AZIN2: variants seen among roughly 807,000 people sequenced by gnomAD.
AZIN2 encodes the protein antizyme inhibitor 2, also known as ODC antizyme inhibitor-2.
Under a neutral mutation model 47.8 loss-of-function variants are expected in AZIN2, and 28 were observed. The ratio of observed to expected loss-of-function variants is 0.59; its 90% CI spans 0.43 to 0.80. AZIN2 has a LOEUF of 0.80. Among genes scored for constraint, AZIN2 ranks in the 30% least tolerant of loss-of-function variants. The pLI is 0.00. For missense variants in AZIN2, 535 were observed against 582.5 expected (o/e 0.92, Z 0.84); for synonymous variants, 221 against 239.4 (o/e 0.92, Z 0.71).
At chr1:33,147,046 G>A in the AZIN2 span, 1 of 908,594 alleles carries the variant, frequency 1.1e-6, no homozygotes, top group Non-Finnish European at 1.7e-6. This position sits in a 1 kb window ranked among gnomAD's most constrained non-coding sequence, Gnocchi z 8.1. Flanking sequence ...CAGACTGGAG[G>A]CTGGAGGGTA....
chr1:33,094,834 T>G (rs1049910928), intron 8 of AZIN2, 121 bp downstream of exon 8: 3 of 1,063,534 alleles, frequency 2.8e-6, no homozygotes, highest in Admixed American at 4.6e-5. Context: ...TGCTTGGTGC[T>G]TACCTGGGTG....
chr1:33,142,720 A>G, the AZIN2 span: 3 of 152,252 alleles, frequency 2.0e-5, no homozygotes, highest in East Asian at 1.9e-4. Flanking sequence ...CAGGGAGATC[A>G]CAGTCCTGGT....
intron 10 of AZIN2, among the ~76,000 whole-genome samples, chr1:33,106,972 A>C (rs1644034891): frequency 6.6e-6 from 1 of 152,214 alleles, no homozygotes; most frequent in Admixed American, 6.5e-5. Flanking sequence ...CTCTGTTTGC[A>C]GATGACATTA....
chr1:33,104,564 A>G (rs1276157660), intron 10 of AZIN2, among the ~76,000 whole-genome samples: 4 of 151,718 alleles, frequency 2.6e-5, no homozygotes, highest in Non-Finnish European at 5.9e-5. Flanking sequence ...ATATAGTCTT[A>G]TAGAAATAGA....
chr1:33,101,680 A>T (rs906463068), intron 10 of AZIN2, among the ~76,000 whole-genome samples: 2 of 152,170 alleles, frequency 1.3e-5, no homozygotes, highest in Admixed American at 6.5e-5. Flanking sequence ...CTCATGCATT[A>T]TCATTCTCTG....
the AZIN2 span, among the ~76,000 whole-genome samples, chr1:33,131,015 G>T: frequency 1.3e-5 from 2 of 152,212 alleles, no homozygotes; most frequent in South Asian, 2.1e-4. Context: ...CCAGCATGCA[G>T]GTCACTGGGG....
At chr1:33,087,977 A>G (rs1642116470) in intron 5 of AZIN2, among the ~76,000 whole-genome samples, 1 of 151,960 alleles carries the variant, frequency 6.6e-6, no homozygotes, top group Admixed American at 6.6e-5. Flanking sequence ...AACGTTCTCC[A>G]TCCTCACCTC....
chr1:33,109,929 T>C (rs1470597949), intron 10 of AZIN2, among the ~76,000 whole-genome samples: 1 of 152,216 alleles, frequency 6.6e-6, no homozygotes, highest in Non-Finnish European at 1.5e-5. Flanking sequence ...ATTTTTGTTT[T>C]GGAGTGTATG....
the AZIN2 span, chr1:33,142,069 A>T: frequency 6.6e-6 from 1 of 152,154 alleles, no homozygotes; most frequent in Admixed American, 6.5e-5. Context: ...CCGTGTCCTG[A>T]TGGGCAGTGA....
the AZIN2 span, chr1:33,147,184 C>A: frequency 6.2e-7 from 1 of 1,613,240 alleles, no homozygotes; most frequent in Admixed American, 1.7e-5. This position sits in a 1 kb window ranked among gnomAD's most constrained non-coding sequence, Gnocchi z 8.1. Flanking sequence ...GGACTAGATG[C>A]GGACGGTGTT....
chr1:33,131,650 A>G, the AZIN2 span, among the ~76,000 whole-genome samples: 3 of 152,056 alleles, frequency 2.0e-5, no homozygotes, highest in Non-Finnish European at 2.9e-5. Flanking sequence ...AAATATATTA[A>G]ATTAATTTCA....
At chr1:33,143,206 A>G in the AZIN2 span, 1 of 152,204 alleles carries the variant, frequency 6.6e-6, no homozygotes, top group Admixed American at 6.5e-5. Context: ...CCCCATTTCC[A>G]GGAGTCCCCA....
chr1:33,158,224 G>C, the AZIN2 span: 1 of 1,598,016 alleles, frequency 6.3e-7, no homozygotes, highest in Middle Eastern at 1.7e-4. Flanking sequence ...GCCCCACCTA[G>C]CTCTGGACCA....
chr1:33,117,797 C>A, intron 10 of AZIN2, 105 bp from the exon 11 acceptor site: 1 of 1,290,728 alleles, frequency 7.7e-7, no homozygotes, highest in Non-Finnish European at 1.1e-6. Context: ...CCCATCTAGA[C>A]TTTATCCTGT....
intron 4 of AZIN2, 175 bp from the exon 5 acceptor site, chr1:33,083,777 CCA>C: frequency 1.5e-6 from 1 of 670,748 alleles, no homozygotes; most frequent in Non-Finnish European, 2.6e-6. Flanking sequence ...GCCTTGAATG[CCA>C]GGCTGAGGAG....
intron 10 of AZIN2, chr1:33,101,762 GT>G (rs1018318837): frequency 9.8e-6 from 7 of 713,916 alleles, no homozygotes; most frequent in East Asian, 2.6e-5. Context: ...TATTATATTT[GT>G]TTTTTTGCTT....
At chr1:33,087,134 A>T (rs1042365127) in intron 5 of AZIN2, among the ~76,000 whole-genome samples, 5 of 142,692 alleles carry the variant, frequency 3.5e-5, no homozygotes, top group South Asian at 4.4e-4. Flanking sequence ...GATATGTAGT[A>T]TTTTTTTTTT....
At chr1:33,143,277 G>A in the AZIN2 span, 1 of 152,208 alleles carries the variant, frequency 6.6e-6, no homozygotes. Flanking sequence ...TGTGAGTAAA[G>A]CCTGGGAAGT....
chr1:33,138,405 T>G, the AZIN2 span, among the ~76,000 whole-genome samples: 2 of 152,132 alleles, frequency 1.3e-5, no homozygotes, highest in African/African-American at 4.8e-5. Flanking sequence ...TTCATGCCTG[T>G]AATCCCAACA....
Sources: gnomAD v4.1 joint callset for allele counts (sites outside exome capture counted in the v4.1 genomes callset) on GRCh38, gnomAD v4.1.1 for gene constraint, Gnocchi (gnomAD v3.1) non-coding constraint, MANE v1.5 for transcripts, NCBI Gene and HGNC (gene_info 2026-07-23, HGNC 2026-07-21) for gene names.